LRP1B: variants seen among roughly 807,000 people sequenced by gnomAD.
The protein encoded by LRP1B is low-density lipoprotein receptor-related protein 1B.
In LRP1B, 217 loss-of-function variants were observed where a neutral mutation model predicts 556.6. That is an observed-to-expected ratio of 0.39 (90% CI 0.35 to 0.44). The LOEUF is 0.44. LRP1B is among the 20% of genes least tolerant of loss of function. The pLI is 1.00. For missense variants in LRP1B, 5,053 were observed against 5,620.8 expected, an observed-to-expected ratio of 0.90 and a Z score of 3.23; for synonymous variants, 2,047 against 1,865.8, an observed-to-expected ratio of 1.10 and a Z score of -2.50.
At chr2:140,873,576 T>C (rs1693207903) in intron 25 of LRP1B, among the ~76,000 whole-genome samples, 1 of 152,046 alleles carries the variant, frequency 6.6e-6, no homozygotes, top group African/African-American at 2.4e-5. Flanking sequence ...TTTCACTGTC[T>C]CAGTTATAAT....
At chr2:141,660,091 A>C (rs1028054824) in intron 2 of LRP1B, among the ~76,000 whole-genome samples, 3 of 151,576 alleles carry the variant, frequency 2.0e-5, no homozygotes, top group African/African-American at 7.3e-5. Flanking sequence ...AGAAGAAGGG[A>C]GAATGGAGAG....
At chr2:142,021,821 T>C (rs1035757789) in intron 1 of LRP1B, among the ~76,000 whole-genome samples, 4 of 152,110 alleles carry the variant, frequency 2.6e-5, no homozygotes, top group African/African-American at 9.7e-5. Context: ...TTGTGGAAGA[T>C]AGAACAAAAA....
intron 1 of LRP1B, among the ~76,000 whole-genome samples, chr2:141,987,939 G>A (rs1460868153): frequency 6.6e-6 from 1 of 151,856 alleles, no homozygotes; most frequent in Non-Finnish European, 1.5e-5. Flanking sequence ...GTTTATATAA[G>A]TGGCGTATGC....
At position 140,386,017 on chromosome 2, in the gene LRP1B, G is replaced by A. The variant is rs1436555016; in HGVS notation, c.10415-8C>T. On this transcript the variant is annotated splice_polypyrimidine_tract_variant and splice_region_variant and intron_variant, in intron 66 of 90. Transcript: ENST00000389484. The stretch of plus-strand genomic sequence containing the variant: ...GTCCACAAGTCTTTTTATCTGTAAT[G>A]GAAAGAACCAGAGTTTGCATTGTAG... The A allele has an allele frequency of 6.5e-7, 1 of 1,537,090 alleles. No homozygotes were observed. Among genetic ancestry groups the A allele is most frequent in the Admixed American group, 1.7e-5 (1 of 59,142 alleles).
chr2:140,357,800 C>T (rs1444063936), intron 74 of LRP1B, among the ~76,000 whole-genome samples, 179 bp downstream of exon 74: 6 of 151,636 alleles, frequency 4.0e-5, no homozygotes, highest in Non-Finnish European at 8.9e-5. Flanking sequence ...ACCTTGTCCA[C>T]TTCATACTTT....
At chr2:140,868,620 C>A (rs1693027055) in intron 25 of LRP1B, among the ~76,000 whole-genome samples, 1 of 151,940 alleles carries the variant, frequency 6.6e-6, no homozygotes, top group Non-Finnish European at 1.5e-5. Context: ...GTAGAATAAA[C>A]AACATATGCT....
chr2:140,697,447 C>T (rs1686471637), intron 41 of LRP1B, among the ~76,000 whole-genome samples: 1 of 151,516 alleles, frequency 6.6e-6, no homozygotes, highest in Non-Finnish European at 1.5e-5. Flanking sequence ...CATTACAACA[C>T]TCTCGTTTTT....
intron 3 of LRP1B, among the ~76,000 whole-genome samples, chr2:141,327,406 C>T (rs1437729294): frequency 1.3e-5 from 2 of 152,006 alleles, no homozygotes; most frequent in Non-Finnish European, 2.9e-5. Context: ...GACAAATAAA[C>T]AGGGATAAAA....
intron 6 of LRP1B, 123 bp from the exon 7 acceptor site, chr2:141,188,706 A>G: frequency 1.3e-6 from 1 of 758,264 alleles, no homozygotes; most frequent in Non-Finnish European, 2.1e-6. Flanking sequence ...ATTTTTATGA[A>G]AAGAAACTGC....
At chr2:142,081,709 G>A (rs116457208) in intron 1 of LRP1B, among the ~76,000 whole-genome samples, 6,578 of 152,172 alleles carry the variant, frequency 0.043, 233 homozygotes, top group Non-Finnish European at 0.058. Context: ...AAATTCCTGG[G>A]CTCAAGCGAT....
intron 29 of LRP1B, among the ~76,000 whole-genome samples, chr2:140,843,085 G>GTTTTTTTT (rs1325879382): frequency 1.0e-4 from 2 of 20,032 alleles, no homozygotes; most frequent in Admixed American, 5.6e-4. Flanking sequence ...TTTTTTGTTT[G>GTTTTTTTT]TTTTTTTTTT....
chr2:141,376,609 T>C (rs1045817331), intron 3 of LRP1B, among the ~76,000 whole-genome samples: 4 of 152,200 alleles, frequency 2.6e-5, no homozygotes, highest in Non-Finnish European at 5.9e-5. Flanking sequence ...GCAGAAATGT[T>C]TTAAAATATG....
intron 29 of LRP1B, among the ~76,000 whole-genome samples, chr2:140,848,284 G>A (rs531392256): frequency 6.6e-6 from 1 of 152,148 alleles, no homozygotes; most frequent in Non-Finnish European, 1.5e-5. Context: ...CCCTGCCCTT[G>A]TAAAAAAATT....
At chr2:141,738,015 C>T (rs1030247565) in intron 2 of LRP1B, among the ~76,000 whole-genome samples, 3 of 151,842 alleles carry the variant, frequency 2.0e-5, no homozygotes, top group Admixed American at 6.6e-5. Flanking sequence ...CCATTTTACT[C>T]GTTGATCCTC....
At chr2:140,569,148 G>A (rs895408133) in intron 43 of LRP1B, among the ~76,000 whole-genome samples, 1 of 151,784 alleles carries the variant, frequency 6.6e-6, no homozygotes, top group African/African-American at 2.4e-5. Flanking sequence ...AATAATAAGA[G>A]GTGGATAAAG....
intron 7 of LRP1B, among the ~76,000 whole-genome samples, chr2:141,167,607 A>G (rs1284964772): frequency 1.3e-5 from 2 of 152,028 alleles, no homozygotes; most frequent in East Asian, 1.9e-4. Flanking sequence ...GGTGATATAT[A>G]TATCATAAAA....
intron 2 of LRP1B, among the ~76,000 whole-genome samples, chr2:141,670,044 C>A (rs114439242): frequency 2.6e-5 from 4 of 152,152 alleles, no homozygotes; most frequent in Non-Finnish European, 5.9e-5. Flanking sequence ...TGAGCCACTG[C>A]GCCCAGCCAT....
chr2:140,410,534 C>G (rs35567126), intron 66 of LRP1B, among the ~76,000 whole-genome samples: 3 of 151,872 alleles, frequency 2.0e-5, no homozygotes, highest in Non-Finnish European at 2.9e-5. Flanking sequence ...AGAGACAGCA[C>G]GCTATGAAAG....
chr2:140,542,386 T>C, intron 43 of LRP1B, among the ~76,000 whole-genome samples: 1 of 152,038 alleles, frequency 6.6e-6, no homozygotes, highest in Non-Finnish European at 1.5e-5. Flanking sequence ...TAAAGAACCA[T>C]AAGATCTAGG....
Sources: gnomAD v4.1 joint callset for allele counts (sites outside exome capture counted in the v4.1 genomes callset) on GRCh38, gnomAD v4.1.1 for gene constraint, MANE v1.5 for transcripts, NCBI Gene and HGNC (gene_info 2026-07-23, HGNC 2026-07-21) for gene names.